The following ASB3 variants were observed in gnomAD, a reference collection of about 807,000 sequenced individuals.
ASB3 encodes ankyrin repeat and SOCS box containing 3, also known as ankyrin repeat and SOCS box protein 3.
Under a neutral mutation model 54.5 loss-of-function variants are expected in ASB3, and 41 were observed. The observed-to-expected ratio is 0.75, with a 90% CI of 0.59 to 0.98. ASB3 has a LOEUF of 0.98. Among genes scored for constraint, ASB3 ranks in the 50% least tolerant of loss-of-function variants. The pLI is 0.00. For missense variants in ASB3, 733 were observed against 620.0 expected, an observed-to-expected ratio of 1.18 and a Z score of -1.94; for synonymous variants, 266 against 221.2, an observed-to-expected ratio of 1.20 and a Z score of -1.80.
At chr2:53,719,278 A>G (rs1670569003) in intron 5 of ASB3, among the ~76,000 whole-genome samples, 1 of 152,224 alleles carries the variant, frequency 6.6e-6, no homozygotes, top group African/African-American at 2.4e-5. Flanking sequence ...CAACAGAGCC[A>G]GGCACAGTGG....
intron 1 of ASB3, chr2:53,771,921 G>C: frequency 6.4e-7 from 1 of 1,565,250 alleles, no homozygotes; most frequent in African/African-American, 1.4e-5. Flanking sequence ...GAAGAGTTGT[G>C]ACTCTTGTTG....
Position 53,750,483 on chromosome 2 carries a change from A to G in ASB3, c.355+300T>C, listed in dbSNP as rs1397158199. Among the ~76,000 whole-genome samples, 8 of 152,276 alleles carry G rather than the reference A, an allele frequency of 5.3e-5. No individual in the cohort carries two copies. In the East Asian group the frequency reaches 1.5e-3, roughly 29 times the overall value. ...CACAGGTAACCTTGCAACTACTGCTACAATTTAAGTGATACCTGGTCTTCA... is the reference window on the plus strand; with the variant it reads ...CACAGGTAACCTTGCAACTACTGCTGCAATTTAAGTGATACCTGGTCTTCA... On this transcript the variant is annotated intron_variant, in intron 3 of 9. Transcript: ENST00000263634.
chr2:53,716,652 G>A lies in ASB3; in HGVS notation c.696C>T (p.Leu232=), dbSNP rs1670410442. 4 of 1,614,140 alleles carry A rather than the reference G, an allele frequency of 2.5e-6. No individual in the cohort carries two copies. The South Asian group carries it at 4.4e-5, about 18-fold the overall frequency. ...AAAGATCAGGATCTGCCCCACTGGA[G>A]AGCAAAAGCTCCACACATTTTGTGT... is the stretch of plus-strand genomic sequence containing the variant. ...EGHTKCVELL[L]SSGADPDLYC... is the part of the protein sequence containing the mutation. Residue 232 remains leucine (L), a synonymous_variant, in exon 6 of 10, where the codon CTC becomes CTT. Transcript: ENST00000263634.
chr2:53,729,746 T>A (rs2302797), intron 3 of ASB3, among the ~76,000 whole-genome samples, 176 bp from the exon 4 acceptor site: 3 of 152,108 alleles, frequency 2.0e-5, no homozygotes, highest in Admixed American at 6.5e-5. Context: ...TAATTGTTTC[T>A]GAACACATGC....
At position 53,671,518 on chromosome 2, in the gene ASB3, G is replaced by C. The variant is rs1292519103; in HGVS notation, c.1370-828C>G. 5.9e-5 allele frequency among the ~76,000 whole-genome samples: 9 copies of C among 152,262 alleles called. No individual in the cohort carries two copies. In the East Asian group the frequency reaches 1.5e-3, roughly 26 times the overall value. On this transcript the variant is annotated intron_variant, in intron 9 of 9. Transcript: ENST00000263634. The stretch of plus-strand genomic sequence containing the variant: ...CTCATGCCTGTAATCCCAGTACTTT[G>C]GGAGGCTGAGGCGGGCAGATCACCT...
chr2:53,767,653 A>T, intron 1 of ASB3: 1 of 546,560 alleles, frequency 1.8e-6, no homozygotes, highest in Non-Finnish European at 3.3e-6. Flanking sequence ...TCCATTGCTT[A>T]CTACACCGAA....
chr2:53,763,389 T>A (rs904105883), intron 2 of ASB3: 1 of 169,028 alleles, frequency 5.9e-6, no homozygotes, highest in Non-Finnish European at 1.5e-5. Flanking sequence ...CGGGCTTCTG[T>A]ATCCACGGGT....
intron 7 of ASB3, among the ~76,000 whole-genome samples, chr2:53,703,892 T>G (rs1467313705): frequency 6.6e-6 from 1 of 152,120 alleles, no homozygotes; most frequent in African/African-American, 2.4e-5. Flanking sequence ...AAAATAAAAT[T>G]TTTAAACTTA....
Position 53,765,639 on chromosome 2 carries a change from C to T in ASB3, c.-13-54G>A, listed in dbSNP as rs1673398959. Reference sequence around the variant, plus strand: ...ATAGTCAATAAAACAACACTTCACTCCTAGAGGTCAGCAAATCACGGTGGG... The same window carrying T: ...ATAGTCAATAAAACAACACTTCACTTCTAGAGGTCAGCAAATCACGGTGGG... On this transcript the variant is annotated intron_variant, in intron 1 of 9. Transcript: ENST00000263634. 2.5e-6 allele frequency: 4 copies of T among 1,602,084 alleles called. No individual in the cohort carries two copies. In the African/African-American group the frequency reaches 5.4e-5, roughly 21 times the overall value.
intron 9 of ASB3, among the ~76,000 whole-genome samples, chr2:53,686,273 C>T (rs1307112830): frequency 6.6e-6 from 1 of 152,032 alleles, no homozygotes; most frequent in Non-Finnish European, 1.5e-5. Flanking sequence ...TAATTCAGGC[C>T]AACCATGAAA....
intron 7 of ASB3, 109 bp from the exon 8 acceptor site, chr2:53,700,637 T>A: frequency 7.1e-7 from 1 of 1,406,774 alleles, no homozygotes; most frequent in Non-Finnish European, 9.4e-7. Flanking sequence ...TATGGCAGAT[T>A]AAATAGTGGA....
In ASB3 at chr2:53,780,959, G is replaced by A. The variant is rs1011142569; in HGVS notation, c.-14+5862C>T. Among the ~76,000 whole-genome samples, 4 of 152,148 alleles carry A rather than the reference G, an allele frequency of 2.6e-5. No homozygotes were observed. In the South Asian group the frequency reaches 8.3e-4, roughly 32 times the overall value. ...CTAGATTCTATTCCAAGTGCTTTAT[G>A]TATATTAACTCATTTAATCCTTATT... On this transcript the variant is annotated intron_variant, in intron 1 of 9. Transcript: ENST00000263634.
intron 1 of ASB3, among the ~76,000 whole-genome samples, chr2:53,777,894 C>A (rs1161728256): frequency 6.6e-6 from 1 of 152,064 alleles, no homozygotes; most frequent in Non-Finnish European, 1.5e-5. Flanking sequence ...CGCCTGTAAT[C>A]CCAGCACTTT....
At chr2:53,760,039 G>A (rs1673057115) in intron 2 of ASB3, among the ~76,000 whole-genome samples, 1 of 152,180 alleles carries the variant, frequency 6.6e-6, no homozygotes, top group Non-Finnish European at 1.5e-5. Flanking sequence ...AGGACAGGCA[G>A]TCACTATATA....
intron 3 of ASB3, among the ~76,000 whole-genome samples, chr2:53,746,850 C>T (rs539961303): frequency 1.3e-5 from 2 of 151,948 alleles, no homozygotes; most frequent in East Asian, 3.9e-4. Flanking sequence ...TGGCCAGGCA[C>T]GGTATTTTGT....
At chr2:53,774,138 AC>A in intron 1 of ASB3, 1 of 1,581,286 alleles carries the variant, frequency 6.3e-7, no homozygotes, top group Non-Finnish European at 8.6e-7. Context: ...TCATTTTTCA[AC>A]AGGGATGTGT....
intron 9 of ASB3, among the ~76,000 whole-genome samples, chr2:53,681,607 A>G (rs1450304989): frequency 1.3e-5 from 2 of 152,172 alleles, no homozygotes; most frequent in African/African-American, 4.8e-5. Context: ...ACCATTTAAT[A>G]AAGAGACTGT....
At chr2:53,783,889 T>G (rs1043511256) in intron 1 of ASB3, among the ~76,000 whole-genome samples, 1 of 152,082 alleles carries the variant, frequency 6.6e-6, no homozygotes, top group Non-Finnish European at 1.5e-5. Flanking sequence ...CTATGACAAA[T>G]GAGGACATGG....
chr2:53,763,884 A>G (rs915785999), intron 2 of ASB3, among the ~76,000 whole-genome samples: 1 of 152,284 alleles, frequency 6.6e-6, no homozygotes, highest in East Asian at 1.9e-4. Context: ...AATAACATCT[A>G]TTTTTCCACT....
Sources: gnomAD v4.1 joint callset for allele counts (sites outside exome capture counted in the v4.1 genomes callset) on GRCh38, gnomAD v4.1.1 for gene constraint, MANE v1.5 for transcripts, NCBI Gene and HGNC (gene_info 2026-07-23, HGNC 2026-07-21) for gene names.